Variants in ARHGEF28 observed in about 807,000 individuals in gnomAD.
ARHGEF28 encodes the protein Rho guanine nucleotide exchange factor 28.
Under a neutral mutation model 206.6 loss-of-function variants are expected in ARHGEF28, and 152 were observed. The observed-to-expected ratio is 0.74, with a 90% CI of 0.64 to 0.84. ARHGEF28 has a LOEUF of 0.84. Ranked by LOEUF, ARHGEF28 falls within the 40% of genes least tolerant of loss-of-function variation. ARHGEF28 has a pLI of 0.00. For synonymous variants in ARHGEF28, 763 were observed against 776.4 expected, an observed-to-expected ratio of 0.98 and a Z score of 0.29; for missense variants, 2,028 against 2,073.2, an observed-to-expected ratio of 0.98 and a Z score of 0.42.
At chr5:73,887,008 T>G (rs1349415875) in intron 25 of ARHGEF28, among the ~76,000 whole-genome samples, 2 of 152,230 alleles carry the variant, frequency 1.3e-5, no homozygotes, top group African/African-American at 4.8e-5. Context: ...ATATCTGAAA[T>G]GGGATTTGTT....
At chr5:73,639,917 C>G (rs1743961686) in intron 1 of ARHGEF28, among the ~76,000 whole-genome samples, 2 of 152,128 alleles carry the variant, frequency 1.3e-5, no homozygotes, top group South Asian at 4.1e-4. Flanking sequence ...TGTGTATTGG[C>G]AAATCAATCA....
chr5:73,667,062 G>A (rs1459788854), intron 1 of ARHGEF28, among the ~76,000 whole-genome samples: 2 of 149,842 alleles, frequency 1.3e-5, no homozygotes, highest in East Asian at 1.9e-4. Flanking sequence ...AAAAAAGGAG[G>A]GGCAGCATCA....
At chr5:73,841,475 G>A (rs773998323) in intron 11 of ARHGEF28, among the ~76,000 whole-genome samples, 22 of 152,122 alleles carry the variant, frequency 1.4e-4, no homozygotes, top group Non-Finnish European at 2.9e-4. Context: ...GGAGGCCAAG[G>A]CAGGCAGAAT....
At chr5:73,685,116 A>G (rs545431944) in intron 2 of ARHGEF28, among the ~76,000 whole-genome samples, 3 of 152,108 alleles carry the variant, frequency 2.0e-5, no homozygotes, top group Non-Finnish European at 4.4e-5. Flanking sequence ...TAAGTGTGTA[A>G]TTTCTGGATT....
chr5:73,840,480 G>C lies in ARHGEF28; in HGVS notation c.1147G>C (p.Val383Leu). The change falls in exon 11 of 36, where the codon GTT (valine) becomes CTT (leucine). Residue 383 changes from valine (V) to leucine (L), a missense_variant and splice_region_variant. This residue lies in a region of ARHGEF28 where 1,002 missense variants were observed against 1,015.3 expected (regional missense o/e 0.99). Coordinates refer to ENST00000513042, the MANE Select transcript of ARHGEF28 (RefSeq NM_001177693.2). ...VYANCMVIDQ[V>L]GDLDISYINI... ...GAAATGTTTTTCTTTCAACTTCCAG[G>C]TTGGTGATTTGGATATCAGCTATAT... is the stretch of plus-strand genomic sequence containing the variant. 1 of 1,609,574 alleles carries C rather than the reference G, an allele frequency of 6.2e-7. No individual in the cohort carries two copies. Among genetic ancestry groups the C allele is most frequent in the Non-Finnish European group, 8.5e-7 (1 of 1,176,920 alleles).
chr5:73,913,045 G>A (rs1349229951), intron 35 of ARHGEF28, among the ~76,000 whole-genome samples: 1 of 152,126 alleles, frequency 6.6e-6, no homozygotes, highest in African/African-American at 2.4e-5. Context: ...AAACCATTTG[G>A]CAGCATACTT....
At chr5:73,659,649 A>G (rs1317201946) in intron 1 of ARHGEF28, among the ~76,000 whole-genome samples, 1 of 152,216 alleles carries the variant, frequency 6.6e-6, no homozygotes, top group Non-Finnish European at 1.5e-5. Flanking sequence ...CTGATTAAGT[A>G]ATGACCTTAT....
rs750548050 is a variant in ARHGEF28 at position 73,892,129 on chromosome 5, G to C, written c.3465G>C (p.Leu1155=). Residue 1155 remains leucine, a synonymous_variant, in exon 27 of 36, where the codon CTG becomes CTC. Coordinates refer to ENST00000513042, the MANE Select transcript of ARHGEF28 (RefSeq NM_001177693.2). ...EVANEERGMF[L]ISASSAGPEM... is the part of the protein sequence containing the mutation. ...CTAATGAGGAGAGAGGAATGTTTCT[G>C]ATCAGTGCTTCATCTGCTGGTCCTG... The C allele has an allele frequency of 5.0e-6, 8 of 1,592,024 alleles. No individual in the cohort carries two copies. The highest frequency in any genetic ancestry group is 6.8e-6 in the Non-Finnish European group (8 of 1,167,990).
Position 73,940,964 on chromosome 5 carries a change from A to G in ARHGEF28, c.5069A>G (p.Gln1690Arg). ...CTACCGACAAGGACAATGACCAGAC[A>G]AGATGGGGAAACTGGAGATGGAGCC... Reference protein sequence around the residue: ...LNLPTRTMTRQDGETGDGAKE... With the variant: ...LNLPTRTMTRRDGETGDGAKE... Residue 1690 changes from glutamine (Q) to arginine (R), a missense_variant, in exon 36 of 36, where the codon CAA becomes CGA. By Grantham distance (43) the Gln-to-Arg change is conservative. Coordinates refer to ENST00000513042, the MANE Select transcript of ARHGEF28 (RefSeq NM_001177693.2). The G allele has an allele frequency of 6.5e-7, 1 of 1,530,658 alleles. No homozygotes were observed. The highest frequency in any genetic ancestry group is 8.7e-7 in the Non-Finnish European group (1 of 1,145,704). The allele number at this position is 1,530,658 out of a possible 1,614,324, so 94.8% of individuals were successfully genotyped here.
At position 73,752,928 on chromosome 5, in the gene ARHGEF28, G is replaced by A. The variant is rs753961568; in HGVS notation, c.201G>A (p.Thr67=). ...GTCCAGGCCATGGGCTTCAGGAGACGGTGACGGTATCTGTGTGCCTCTGCT... is the reference window on the plus strand; with the variant it reads ...GTCCAGGCCATGGGCTTCAGGAGACAGTGACGGTATCTGTGTGCCTCTGCT... ...SSVPGHGLQE[T]VTVSVCLCSE... The change falls in exon 4 of 36, where the codon ACG becomes ACA. Residue 67 remains threonine, a synonymous_variant. Transcript: ENST00000513042. 1.4e-5 allele frequency: 22 copies of A among 1,613,754 alleles called. No individual in the cohort carries two copies. In the Admixed American group the frequency reaches 1.5e-4, roughly 11 times the overall value.
At chr5:73,869,863 G>A (rs1306046608) in intron 20 of ARHGEF28, among the ~76,000 whole-genome samples, 3 of 151,992 alleles carry the variant, frequency 2.0e-5, no homozygotes, top group Non-Finnish European at 2.9e-5. Flanking sequence ...AGACGAGATC[G>A]CGCCATTGCA....
chr5:73,927,488 A>G (rs1258561492), intron 35 of ARHGEF28, among the ~76,000 whole-genome samples: 1 of 152,230 alleles, frequency 6.6e-6, no homozygotes, highest in Non-Finnish European at 1.5e-5. Flanking sequence ...ATTTAAAGTC[A>G]TCTCCCATAG....
intron 1 of ARHGEF28, among the ~76,000 whole-genome samples, chr5:73,669,986 C>T (rs1176703333): frequency 6.6e-6 from 1 of 152,176 alleles, no homozygotes; most frequent in Non-Finnish European, 1.5e-5. Context: ...GGTGCTAGGC[C>T]AGTTTTACTT....
At chr5:73,767,430 A>T (rs1318545754) in intron 4 of ARHGEF28, among the ~76,000 whole-genome samples, 1 of 152,182 alleles carries the variant, frequency 6.6e-6, no homozygotes, top group Non-Finnish European at 1.5e-5. Flanking sequence ...TTATAGCAAT[A>T]TGGACAATAA....
intron 2 of ARHGEF28, among the ~76,000 whole-genome samples, chr5:73,710,974 G>C (rs181353732): frequency 2.6e-5 from 4 of 152,254 alleles, no homozygotes; most frequent in African/African-American, 9.6e-5. Context: ...AAAGTGCTGG[G>C]ATTATAGCCA....
chr5:73,761,511 T>G (rs1220644850), intron 4 of ARHGEF28, among the ~76,000 whole-genome samples: 1 of 152,124 alleles, frequency 6.6e-6, no homozygotes, highest in Non-Finnish European at 1.5e-5. Context: ...TGAATAATTG[T>G]GCGTCCTGTT....
At chr5:73,793,461 GT>G (rs1228806601) in intron 7 of ARHGEF28, among the ~76,000 whole-genome samples, 4 of 152,206 alleles carry the variant, frequency 2.6e-5, no homozygotes, top group Admixed American at 2.6e-4. Flanking sequence ...ATTAATAGGA[GT>G]GACAAAACGG....
intron 35 of ARHGEF28, among the ~76,000 whole-genome samples, chr5:73,923,883 C>T (rs747154259): frequency 6.6e-6 from 1 of 152,144 alleles, no homozygotes; most frequent in Non-Finnish European, 1.5e-5. Context: ...TTGAAACAAA[C>T]CCTAGCTTCT....
At chr5:73,839,714 G>A (rs1400231359) in intron 10 of ARHGEF28, among the ~76,000 whole-genome samples, 2 of 152,182 alleles carry the variant, frequency 1.3e-5, no homozygotes, top group African/African-American at 4.8e-5. Flanking sequence ...GCAGGAGCAC[G>A]AGGCCTTACC....
Sources: allele counts gnomAD v4.1 joint callset (sites outside exome capture counted in the v4.1 genomes callset), GRCh38; gene constraint gnomAD v4.1.1; regional missense constraint gnomAD v4.1.1; transcripts MANE v1.5; gene names NCBI Gene and HGNC (gene_info 2026-07-23, HGNC 2026-07-21).